Variants in CTNNA2 observed in about 807,000 individuals in gnomAD.
The protein encoded by CTNNA2 is catenin alpha 2, also known as catenin alpha-2.
CTNNA2 carries 42 observed loss-of-function variants against 101.0 expected under a neutral mutation model. The observed-to-expected ratio is 0.42, with a 90% CI of 0.32 to 0.54. CTNNA2 has a LOEUF of 0.54. Ranked by LOEUF, CTNNA2 falls within the 20% of genes least tolerant of loss-of-function variation. The probability of loss-of-function intolerance (pLI) is 0.14; values close to 1 mark genes in which losing one functional copy is unlikely to be tolerated. For missense variants in CTNNA2, 871 were observed against 1,223.1 expected (o/e 0.71, Z 4.29); for synonymous variants, 450 against 456.4 (o/e 0.99, Z 0.18).
At chr2:79,912,380 C>T (rs1242346657) in intron 7 of CTNNA2, among the ~76,000 whole-genome samples, 3 of 152,190 alleles carry the variant, frequency 2.0e-5, no homozygotes, top group African/African-American at 7.2e-5. Flanking sequence ...TATGACTTAG[C>T]CACGTAGCTT....
At chr2:80,126,648 C>CTTCG (rs1558833175) in intron 7 of CTNNA2, among the ~76,000 whole-genome samples, 1 of 123,846 alleles carries the variant, frequency 8.1e-6, no homozygotes, top group East Asian at 3.0e-4. Flanking sequence ...TCCTTCCTTC[C>CTTCG]TTCCTTCCTT....
intron 2 of CTNNA2, among the ~76,000 whole-genome samples, chr2:79,654,748 T>G (rs1023532638): frequency 2.0e-5 from 3 of 152,192 alleles, no homozygotes; most frequent in African/African-American, 7.2e-5. Flanking sequence ...TCATGCATAT[T>G]TTTCATTCAG....
intron 1 of CTNNA2, among the ~76,000 whole-genome samples, chr2:79,529,329 G>A (rs1672603344): frequency 6.6e-6 from 1 of 152,176 alleles, no homozygotes. Context: ...GTTATCACAT[G>A]TCTTCTTGTG....
intron 7 of CTNNA2, among the ~76,000 whole-genome samples, chr2:79,991,115 G>T (rs888809917): frequency 6.6e-6 from 1 of 152,116 alleles, no homozygotes; most frequent in South Asian, 2.1e-4. Flanking sequence ...GGGATCGGTC[G>T]TGATATCCCC....
intron 7 of CTNNA2, among the ~76,000 whole-genome samples, chr2:80,056,399 T>G (rs1697215374): frequency 6.6e-6 from 1 of 152,166 alleles, no homozygotes; most frequent in Non-Finnish European, 1.5e-5. Flanking sequence ...TGTTTCCAAC[T>G]AAAGATAAGC....
In CTNNA2 at chr2:80,642,116, T is replaced by C. The variant is rs143371408; in HGVS notation, c.2575-5469T>C. On this transcript the variant is annotated intron_variant, in intron 18 of 18. Transcript: ENST00000402739. ...AGCATTGTAGCACTTCAACATCCTTTATATTTCCGCAATCTAGGTTGAGAG... is the reference window on the plus strand; with the variant it reads ...AGCATTGTAGCACTTCAACATCCTTCATATTTCCGCAATCTAGGTTGAGAG... 4.2e-3 allele frequency among the ~76,000 whole-genome samples: 634 copies of C among 152,270 alleles called. 8 individuals are homozygous for C. Among genetic ancestry groups the C allele is most frequent in the African/African-American group, 0.013 (544 of 41,572 alleles).
At chr2:79,663,460 G>A (rs2104539266) in intron 2 of CTNNA2, among the ~76,000 whole-genome samples, 1 of 152,228 alleles carries the variant, frequency 6.6e-6, no homozygotes, top group Non-Finnish European at 1.5e-5. Flanking sequence ...AAGGCTCAGA[G>A]CCCTTCTTTC....
chr2:80,280,842 G>GA (rs978030587), intron 7 of CTNNA2, among the ~76,000 whole-genome samples: 6 of 151,794 alleles, frequency 4.0e-5, no homozygotes, highest in East Asian at 3.9e-4. Flanking sequence ...TATTGTATAA[G>GA]AAAAAAAACC....
intron 3 of CTNNA2, among the ~76,000 whole-genome samples, chr2:79,801,992 C>CAAA (rs57124311): frequency 7.8e-5 from 5 of 63,790 alleles, no homozygotes; most frequent in African/African-American, 9.5e-5. Context: ...AACTCTGTCT[C>CAAA]AAAAAAAAAA....
chr2:79,867,622 GA>G (rs796629841), intron 4 of CTNNA2, among the ~76,000 whole-genome samples: 3 of 152,102 alleles, frequency 2.0e-5, no homozygotes, highest in African/African-American at 7.2e-5. Context: ...TGTTTCTTTG[GA>G]AAAATATTTT....
At chr2:79,892,425 AC>A (rs200571286) in intron 6 of CTNNA2, among the ~76,000 whole-genome samples, 7 of 152,198 alleles carry the variant, frequency 4.6e-5, no homozygotes, top group South Asian at 2.1e-4. Context: ...TTAAAAAAAA[AC>A]CCCACAAAAT....
intron 1 of CTNNA2, among the ~76,000 whole-genome samples, chr2:79,594,097 C>T (rs1300951152): frequency 6.6e-6 from 1 of 151,952 alleles, no homozygotes; most frequent in Non-Finnish European, 1.5e-5. Flanking sequence ...CCATGTTGGC[C>T]AGGCTGGTCT....
chr2:79,699,176 C>T (rs1684831339), intron 2 of CTNNA2, among the ~76,000 whole-genome samples: 1 of 152,034 alleles, frequency 6.6e-6, no homozygotes, highest in African/African-American at 2.4e-5. Flanking sequence ...CATAAACTTT[C>T]CAAATTAAAA....
intron 2 of CTNNA2, among the ~76,000 whole-genome samples, chr2:79,662,028 GA>G (rs1379848802): frequency 2.6e-5 from 4 of 151,476 alleles, no homozygotes. Context: ...AAATAGGTGA[GA>G]AGGGAAGAGC....
In CTNNA2 at chr2:80,591,897, A is replaced by C. The variant is rs150591697; in HGVS notation, c.2189+2412A>C. 2.5e-3 allele frequency among the ~76,000 whole-genome samples: 383 copies of C among 152,264 alleles called. 1 individual carries two copies. The highest frequency in any genetic ancestry group is 4.1e-3 in the Non-Finnish European group (278 of 68,012). On this transcript the variant is annotated intron_variant, in intron 15 of 18. Transcript: ENST00000402739. Reference sequence around the variant, plus strand: ...TGGAAGATAAAACTGATTAGGCCTCATGTCTTTTTCCCACTCAGTTCTTGA... The same window carrying C: ...TGGAAGATAAAACTGATTAGGCCTCCTGTCTTTTTCCCACTCAGTTCTTGA...
chr2:79,922,256 G>A (rs574736008), intron 7 of CTNNA2, among the ~76,000 whole-genome samples: 173 of 152,198 alleles, frequency 1.1e-3, no homozygotes, highest in African/African-American at 3.9e-3. Flanking sequence ...CCCCTAAAGT[G>A]ACTCAAGAAG....
At chr2:80,559,568 A>C (rs889162541) in intron 12 of CTNNA2, among the ~76,000 whole-genome samples, 1 of 152,230 alleles carries the variant, frequency 6.6e-6, no homozygotes, top group Non-Finnish European at 1.5e-5. Context: ...AATTAAATTT[A>C]AGAAAATTTT....
intron 9 of CTNNA2, among the ~76,000 whole-genome samples, chr2:80,480,195 A>G (rs1394005635): frequency 6.6e-6 from 1 of 152,120 alleles, no homozygotes; most frequent in Non-Finnish European, 1.5e-5. Context: ...AAAGTTGACA[A>G]AATGAAAAAT....
At chr2:79,675,916 T>C (rs1345672673) in intron 2 of CTNNA2, among the ~76,000 whole-genome samples, 1 of 152,242 alleles carries the variant, frequency 6.6e-6, no homozygotes, top group Non-Finnish European at 1.5e-5. Context: ...TCCTAATCAA[T>C]GTCAGGTACA....
Sources: gnomAD v4.1 joint callset for allele counts (sites outside exome capture counted in the v4.1 genomes callset) on GRCh38, gnomAD v4.1.1 for gene constraint, MANE v1.5 for transcripts, NCBI Gene and HGNC (gene_info 2026-07-23, HGNC 2026-07-21) for gene names.